The following SLCO3A1 variants were observed in gnomAD, a reference collection of about 807,000 sequenced individuals.
SLCO3A1 encodes solute carrier organic anion transporter family member 3A1.
Under a neutral mutation model 63.1 loss-of-function variants are expected in SLCO3A1, and 27 were observed. That is an observed-to-expected ratio of 0.43 (90% CI 0.32 to 0.59). The LOEUF is 0.59. Among genes scored for constraint, SLCO3A1 ranks in the 20% least tolerant of loss-of-function variants. The pLI is 0.09. For synonymous variants in SLCO3A1, 473 were observed against 409.9 expected (o/e 1.15, Z -1.86); for missense variants, 773 against 945.8 (o/e 0.82, Z 2.40).
Position 91,875,862 on chromosome 15 carries a change from C to G in SLCO3A1, c.180+21774C>G, listed in dbSNP as rs1169293475. 2.0e-5 allele frequency among the ~76,000 whole-genome samples: 3 copies of G among 152,204 alleles called. No individual in the cohort carries two copies. Among genetic ancestry groups the G allele is most frequent in the African/African-American group, 7.2e-5 (3 of 41,458 alleles). On this transcript the variant is annotated intron_variant, in intron 1 of 9. Coordinates refer to ENST00000318445, the MANE Select transcript of SLCO3A1 (RefSeq NM_013272.4). This position sits in a 1 kb window ranked among gnomAD's most constrained non-coding sequence, Gnocchi z 4.5. ...TGATTTATGTATATATTATCATCAT[C>G]ATGTGACAGAAACCATATTGCCTGC...
intron 2 of SLCO3A1, among the ~76,000 whole-genome samples, chr15:92,010,257 A>G (rs1006469930): frequency 2.6e-5 from 4 of 152,158 alleles, no homozygotes; most frequent in African/African-American, 9.7e-5. Flanking sequence ...GTTTCAAATA[A>G]CGTTACTCTT....
At chr15:92,031,951 G>T (rs974147800) in intron 2 of SLCO3A1, among the ~76,000 whole-genome samples, 3 of 152,136 alleles carry the variant, frequency 2.0e-5, no homozygotes, top group Non-Finnish European at 4.4e-5. Flanking sequence ...CTGGCCAAGT[G>T]GGTAGGAATT....
chr15:92,163,325 G>A lies in SLCO3A1; in HGVS notation c.*190G>A. 1 of 1,249,768 alleles carries A rather than the reference G, an allele frequency of 8.0e-7. No individual in the cohort carries two copies. The highest frequency in any genetic ancestry group is 1.0e-6 in the Non-Finnish European group (1 of 999,538). The allele number at this position is 1,249,768 out of a possible 1,614,324, so 77.4% of individuals were successfully genotyped here. ...AGAGCCAGACAGGATTCAGAATAAG[G>A]AGAGAATGACATCGTGCGGCAGGGT... On this transcript the variant is annotated 3_prime_UTR_variant, in exon 10 of 10. Transcript: ENST00000318445.
rs975029515 is a variant in SLCO3A1, at chr15:91,916,699, C to G, written c.646+241C>G. Among the ~76,000 whole-genome samples, 1 of 152,190 alleles carries G rather than the reference C, an allele frequency of 6.6e-6. No homozygotes were observed. The highest frequency in any genetic ancestry group is 1.5e-5 in the Non-Finnish European group (1 of 68,036). On this transcript the variant is annotated intron_variant, in intron 2 of 9. Coordinates refer to ENST00000318445, the MANE Select transcript of SLCO3A1 (RefSeq NM_013272.4). This position sits in a 1 kb window ranked among gnomAD's most constrained non-coding sequence, Gnocchi z 6.2. ...CTCCACGGGGCTAGACCACTAACAC[C>G]GCTTCAGTGGGAAAACATGATCGGG...
chr15:91,909,405 A>G (rs1377172542), intron 1 of SLCO3A1, among the ~76,000 whole-genome samples: 1 of 152,182 alleles, frequency 6.6e-6, no homozygotes, highest in East Asian at 1.9e-4. Flanking sequence ...TGATGACCAT[A>G]TGGCCTAAAT....
chr15:92,162,844 C>A lies in SLCO3A1; in HGVS notation c.1842C>A (p.Cys614Ter). ...WSTFCGEQGA[C>*]VLYDNVVYRY... ...CGTTCTGTGGGGAGCAAGGCGCCTG[C>A]GTCCTCTACGACAATGTGGTCTACC... The change falls in exon 10 of 10, where the codon TGC (cysteine) becomes TGA (stop). Residue 614 changes from cysteine to a stop codon, truncating the protein, a stop_gained. Coordinates refer to ENST00000318445, the MANE Select transcript of SLCO3A1 (RefSeq NM_013272.4). LOFTEE classifies it high-confidence loss of function. 1 of 1,614,222 alleles carries A rather than the reference C, an allele frequency of 6.2e-7. No individual in the cohort carries two copies.
intron 2 of SLCO3A1, among the ~76,000 whole-genome samples, chr15:92,026,387 C>T (rs4984325): frequency 0.11 from 17,006 of 152,210 alleles, 1,228 homozygotes; most frequent in East Asian, 0.37. Flanking sequence ...ACAGAAGTGA[C>T]GAGAGCAGGT....
intron 2 of SLCO3A1, among the ~76,000 whole-genome samples, chr15:91,928,524 A>G (rs1899113747): frequency 6.6e-6 from 1 of 152,196 alleles, no homozygotes; most frequent in Non-Finnish European, 1.5e-5. Flanking sequence ...GCATGATTAC[A>G]TCCACACCAG....
At chr15:91,925,651 C>T (rs1390388828) in intron 2 of SLCO3A1, among the ~76,000 whole-genome samples, 2 of 151,918 alleles carry the variant, frequency 1.3e-5, no homozygotes, top group African/African-American at 4.8e-5. Context: ...CACTGTGGGG[C>T]GAGAGAAGTG....
At chr15:91,893,759 C>A (rs553685739) in intron 1 of SLCO3A1, among the ~76,000 whole-genome samples, 1 of 152,284 alleles carries the variant, frequency 6.6e-6, no homozygotes, top group Admixed American at 6.5e-5. Flanking sequence ...TAGGCCGGTA[C>A]TTTTTCTTCT....
intron 2 of SLCO3A1, among the ~76,000 whole-genome samples, chr15:91,931,798 C>CAT (rs141992985): frequency 1.5e-4 from 22 of 149,748 alleles, no homozygotes; most frequent in Non-Finnish European, 3.3e-4. Context: ...AACACACACA[C>CAT]ACGCACACAC....
At chr15:92,156,968 A>G (rs1418478060) in intron 9 of SLCO3A1, among the ~76,000 whole-genome samples, 6 of 152,254 alleles carry the variant, frequency 3.9e-5, no homozygotes, top group Non-Finnish European at 8.8e-5. Flanking sequence ...AATAGCCAAT[A>G]TATAAGGCCC....
chr15:92,136,011 T>TA (rs1013633987), intron 7 of SLCO3A1, among the ~76,000 whole-genome samples: 2 of 151,996 alleles, frequency 1.3e-5, no homozygotes, highest in African/African-American at 2.4e-5. Flanking sequence ...TCTGAAAAGA[T>TA]AAAAAATGAG....
intron 7 of SLCO3A1, among the ~76,000 whole-genome samples, chr15:92,129,835 C>T (rs1347386158): frequency 1.5e-5 from 2 of 137,598 alleles, no homozygotes; most frequent in Non-Finnish European, 3.0e-5. Context: ...GATTCCTGGC[C>T]AGTTATTAAC....
chr15:92,148,331 C>T (rs906588308), intron 8 of SLCO3A1, among the ~76,000 whole-genome samples: 2 of 152,156 alleles, frequency 1.3e-5, no homozygotes, highest in African/African-American at 4.8e-5. Context: ...AGTGTCCATG[C>T]ACCTCACCTC....
At chr15:92,144,897 A>T (rs2283459) in intron 7 of SLCO3A1, among the ~76,000 whole-genome samples, 61,123 of 151,940 alleles carry the variant, frequency 0.4, 13,039 homozygotes, top group African/African-American at 0.55. Flanking sequence ...TTTGGGAGAG[A>T]TGTGATCAAA....
chr15:91,966,302 C>T (rs995020491), intron 2 of SLCO3A1, among the ~76,000 whole-genome samples: 12 of 152,176 alleles, frequency 7.9e-5, no homozygotes, highest in African/African-American at 2.7e-4. Context: ...TGACCGAGGC[C>T]AGCACTGACA....
intron 2 of SLCO3A1, among the ~76,000 whole-genome samples, chr15:91,959,032 A>G (rs1597158419): frequency 6.6e-6 from 1 of 152,318 alleles, no homozygotes; most frequent in South Asian, 2.1e-4. Context: ...CTGCCCCTCA[A>G]CCAAGGAGTG....
chr15:91,931,753 G>T (rs1223653598), intron 2 of SLCO3A1, among the ~76,000 whole-genome samples: 1 of 151,430 alleles, frequency 6.6e-6, no homozygotes, highest in Non-Finnish European at 1.5e-5. Context: ...TTATAGGAGT[G>T]AGCCACCGCG....
Sources: allele counts gnomAD v4.1 joint callset (sites outside exome capture counted in the v4.1 genomes callset), GRCh38; gene constraint gnomAD v4.1.1; non-coding constraint Gnocchi (gnomAD v3.1); transcripts MANE v1.5; gene names NCBI Gene and HGNC (gene_info 2026-07-23, HGNC 2026-07-21).